The following STAC3 variants were observed in gnomAD, a reference collection of about 807,000 sequenced individuals.
STAC3 encodes the protein SH3 and cysteine-rich domain-containing protein 3.
STAC3 carries 30 observed loss-of-function variants against 48.5 expected under a neutral mutation model. That is an observed-to-expected ratio of 0.62 (90% CI 0.46 to 0.84). STAC3 has a LOEUF of 0.84. Ranked by LOEUF, STAC3 falls within the 40% of genes least tolerant of loss-of-function variation. The pLI is 0.00. For synonymous variants in STAC3, 144 were observed against 158.6 expected (o/e 0.91, Z 0.69); for missense variants, 419 against 462.6 (o/e 0.91, Z 0.86).
In STAC3 at chr12:57,251,098, GC is replaced by G; in HGVS notation, c.-108del. The G allele has an allele frequency of 8.9e-6, 4 of 449,020 alleles. No individual in the cohort carries two copies. Among genetic ancestry groups the G allele is most frequent in the South Asian group, 1.6e-5 (1 of 64,022 alleles). The allele number at this position is 449,020 out of a possible 1,614,324, so 27.8% of individuals were successfully genotyped here. A position where few individuals can be genotyped will look rare whatever the true frequency, so the allele number is the denominator to read the frequency against. On this transcript the variant is annotated 5_prime_UTR_variant, in exon 1 of 12. Coordinates refer to ENST00000332782, the MANE Select transcript of STAC3 (RefSeq NM_145064.3). ...ACTGGTCCTCTTCCTTGGGGGCTAA[GC>G]CCCCCCAGTACCCCCTGTGTTCACA...
At chr12:57,250,668 G>A (rs1194511963) in intron 1 of STAC3, among the ~76,000 whole-genome samples, 2 of 152,158 alleles carry the variant, frequency 1.3e-5, no homozygotes, top group Non-Finnish European at 1.5e-5. Context: ...AGGATGGACT[G>A]GAGACATTTG....
intron 11 of STAC3, 70 bp from the exon 12 acceptor site, chr12:57,243,980 C>T (rs1838637770): frequency 6.2e-7 from 1 of 1,607,002 alleles, no homozygotes; most frequent in Non-Finnish European, 8.5e-7. Flanking sequence ...GCAGGGGAGC[C>T]GGGGTTTACA....
At position 57,248,695 on chromosome 12, in the gene STAC3, A is replaced by G. The variant is rs2037823824; in HGVS notation, c.432+11T>C. On this transcript the variant is annotated intron_variant, in intron 4 of 11. Coordinates refer to ENST00000332782, the MANE Select transcript of STAC3 (RefSeq NM_145064.3). ...GCCATGTCCCCTCCTTGCTCTCCACAGCCTACTCACGATCTTGCCGAAGCA... is the reference window on the plus strand; with the variant it reads ...GCCATGTCCCCTCCTTGCTCTCCACGGCCTACTCACGATCTTGCCGAAGCA... The G allele has an allele frequency of 6.2e-6, 10 of 1,608,392 alleles. No homozygotes were observed. Among genetic ancestry groups the G allele is most frequent in the Non-Finnish European group, 7.6e-6 (9 of 1,177,368 alleles).
intron 6 of STAC3, among the ~76,000 whole-genome samples, 176 bp from the exon 7 acceptor site, chr12:57,245,387 T>C (rs2037712747): frequency 1.3e-5 from 2 of 152,012 alleles, no homozygotes; most frequent in Admixed American, 1.3e-4. Context: ...TTTTTTTTTT[T>C]TTTGAGACGG....
rs1337325740 is a variant in STAC3 at position 57,251,111 on chromosome 12, C to A, written c.-120G>T. ...CTTGGGGGCTAAGCCCCCCCAGTAC[C>A]CCCTGTGTTCACACCAGCTACCCAG... is the stretch of plus-strand genomic sequence containing the variant. On this transcript the variant is annotated 5_prime_UTR_variant, in exon 1 of 12. Transcript: ENST00000332782. 4 of 452,620 alleles carry A rather than the reference C, an allele frequency of 8.8e-6. No individual in the cohort carries two copies. The highest frequency in any genetic ancestry group is 8.0e-5 in the African/African-American group (4 of 49,942). 28.0% of individuals were successfully genotyped at this position (452,620 alleles called of 1,614,324 possible). A position where few individuals can be genotyped will look rare whatever the true frequency, so the allele number is the denominator to read the frequency against.
rs150268069 is a variant in STAC3 at position 57,244,071 on chromosome 12, T to C, written c.996+17A>G. Reference sequence around the variant, plus strand: ...GGGAGCATTCAGGCCTGGGATTGGGTTGGGGCAACAGCCTACCTGGTCCTT... The same window carrying C: ...GGGAGCATTCAGGCCTGGGATTGGGCTGGGGCAACAGCCTACCTGGTCCTT... On this transcript the variant is annotated intron_variant, in intron 11 of 11. Coordinates refer to ENST00000332782, the MANE Select transcript of STAC3 (RefSeq NM_145064.3). 1.9e-6 allele frequency: 3 copies of C among 1,613,874 alleles called. No homozygotes were observed. Among genetic ancestry groups the C allele is most frequent in the Admixed American group, 1.7e-5 (1 of 59,992 alleles).
chr12:57,249,817 G>T, intron 1 of STAC3, 180 bp from the exon 2 acceptor site: 1 of 616,704 alleles, frequency 1.6e-6, no homozygotes, highest in African/African-American at 1.8e-5. Context: ...GTGCAGTGGC[G>T]TGATCATGGC....
At position 57,248,252 on chromosome 12, in the gene STAC3, C is replaced by G. The variant is rs577725461; in HGVS notation, c.433-54G>C. 9.3e-6 allele frequency: 13 copies of G among 1,404,498 alleles called. No individual in the cohort carries two copies. The African/African-American group carries it at 9.9e-5, about 11-fold the overall frequency. 87.0% of individuals were successfully genotyped at this position (1,404,498 alleles called of 1,614,324 possible). On this transcript the variant is annotated intron_variant, in intron 4 of 11. Coordinates refer to ENST00000332782, the MANE Select transcript of STAC3 (RefSeq NM_145064.3). ...GAGGTAGCAAAGTAAGGTCCAGAAG[C>G]CTATCTCTCCCAGGAGTGCTCACCC...
At chr12:57,248,224 T>A (rs987735728) in intron 4 of STAC3, 26 bp from the exon 5 acceptor site, 1 of 1,588,860 alleles carries the variant, frequency 6.3e-7, no homozygotes, top group Non-Finnish European at 8.6e-7. Context: ...AGAGGAAGCA[T>A]TAGAGGTAGC....
chr12:57,246,774 A>G (rs1443751421), intron 6 of STAC3, 30 bp downstream of exon 6: 1 of 1,569,034 alleles, frequency 6.4e-7, no homozygotes, highest in African/African-American at 1.3e-5. Context: ...GATCTCTGGG[A>G]GGGACCTCGT....
intron 11 of STAC3, 32 bp from the exon 12 acceptor site, chr12:57,243,942 G>C: frequency 6.2e-7 from 1 of 1,610,930 alleles, no homozygotes; most frequent in Non-Finnish European, 8.5e-7. Flanking sequence ...AGTAGGAGAG[G>C]AATCAAAGGA....
Position 57,244,154 on chromosome 12 carries a change from C to T in STAC3, c.930G>A (p.Val310=). ...FIIRVRAGER[V]HRVTRSFVGN... ...CCACGAAGGATCTCGTCACGCGGTG[C>T]ACACGTTCTCCAGCCCGGACCCGAA... Residue 310 remains valine, a synonymous_variant, in exon 11 of 12, where the codon GTG becomes GTA. Transcript: ENST00000332782. 1 of 1,614,158 alleles carries T rather than the reference C, an allele frequency of 6.2e-7. No individual in the cohort carries two copies. The highest frequency in any genetic ancestry group is 2.2e-5 in the East Asian group (1 of 44,852).
Position 57,249,553 on chromosome 12 carries a change from T to G in STAC3, c.66+18A>C, listed in dbSNP as rs1362822836. Reference sequence around the variant, plus strand: ...CTTCCCAGCCCCCCACACCCAGTGGTCAGAGGCCCAGACTCACCCCACTTT... The same window carrying G: ...CTTCCCAGCCCCCCACACCCAGTGGGCAGAGGCCCAGACTCACCCCACTTT... On this transcript the variant is annotated intron_variant, in intron 2 of 11. Transcript: ENST00000332782. The G allele has an allele frequency of 6.2e-7, 1 of 1,613,632 alleles. No homozygotes were observed. Among genetic ancestry groups the G allele is most frequent in the South Asian group, 1.1e-5 (1 of 91,056 alleles).
intron 3 of STAC3, 80 bp from the exon 4 acceptor site, chr12:57,248,883 C>T: frequency 1.3e-6 from 2 of 1,531,402 alleles, no homozygotes; most frequent in Admixed American, 3.4e-5. Flanking sequence ...TCTTAGGTTT[C>T]CTTTTCTGTC....
At chr12:57,245,874 C>T (rs1007152920) in intron 6 of STAC3, among the ~76,000 whole-genome samples, 1 of 151,972 alleles carries the variant, frequency 6.6e-6, no homozygotes, top group African/African-American at 2.4e-5. Context: ...CTTTGGGAGG[C>T]CGAGGTGGGC....
intron 11 of STAC3, 23 bp from the exon 12 acceptor site, chr12:57,243,933 G>A: frequency 6.2e-7 from 1 of 1,612,440 alleles, no homozygotes; most frequent in Non-Finnish European, 8.5e-7. Flanking sequence ...AGGATCAGAA[G>A]TAGGAGAGGA....
At chr12:57,248,063 A>G in intron 5 of STAC3, 63 bp downstream of exon 5, 1 of 1,450,804 alleles carries the variant, frequency 6.9e-7, no homozygotes, top group Non-Finnish European at 9.7e-7. Context: ...TCCCAAAGCT[A>G]GAGATGGCAT....
Position 57,248,176 on chromosome 12 carries a change from T to C in STAC3, c.455A>G (p.Tyr152Cys), listed in dbSNP as rs761120163. 3.1e-6 allele frequency: 5 copies of C among 1,614,042 alleles called. No individual in the cohort carries two copies. The highest frequency in any genetic ancestry group is 2.2e-5 in the South Asian group (2 of 91,076). Residue 152 changes from tyrosine to cysteine, a missense_variant, in exon 5 of 12, where the codon TAT becomes TGT. Transcript: ENST00000332782. ...CTGGTTGCTGTAGAGTGGGGAACTA[T>C]AGGCCCGATGGAAACCAGGTGGCTG... ...GKIPPGFHRA[Y>C]SSPLYSNQQY...
At chr12:57,250,294 G>A (rs1297646734) in intron 1 of STAC3, among the ~76,000 whole-genome samples, 2 of 145,728 alleles carry the variant, frequency 1.4e-5, no homozygotes, top group East Asian at 4.3e-4. Flanking sequence ...GGAAGCTGAG[G>A]AAGGATAATC....
Sources: gnomAD v4.1 joint callset for allele counts (sites outside exome capture counted in the v4.1 genomes callset) on GRCh38, gnomAD v4.1.1 for gene constraint, MANE v1.5 for transcripts, NCBI Gene and HGNC (gene_info 2026-07-23, HGNC 2026-07-21) for gene names.